Variants in CPSF6 observed in about 807,000 individuals in gnomAD.
CPSF6 encodes cleavage and polyadenylation specific factor 6, also known as cleavage and polyadenylation specificity factor subunit 6.
Under a neutral mutation model 56.7 loss-of-function variants are expected in CPSF6, and 10 were observed. The observed-to-expected ratio is 0.18, with a 90% confidence interval of 0.11 to 0.30. The LOEUF (loss-of-function observed/expected upper bound fraction) is 0.30. Ranked by LOEUF, CPSF6 falls within the 10% of genes least tolerant of loss-of-function variation. CPSF6 has a pLI of 1.00. For missense variants in CPSF6, 419 were observed against 722.9 expected (o/e 0.58, Z 4.82); for synonymous variants, 248 against 244.8 (o/e 1.01, Z -0.12).
At chr12:69,243,527 G>A (rs1045565901) in intron 1 of CPSF6, among the ~76,000 whole-genome samples, 1 of 152,140 alleles carries the variant, frequency 6.6e-6, no homozygotes, top group African/African-American at 2.4e-5. Flanking sequence ...CTACAAACTT[G>A]TACAACATAT....
At chr12:69,250,605 A>G (rs1446362992) in intron 1 of CPSF6, among the ~76,000 whole-genome samples, 5 of 108,564 alleles carry the variant, frequency 4.6e-5, no homozygotes, top group African/African-American at 1.5e-4. Context: ...AAAAAAAAAA[A>G]AAGAAAAAAA....
intron 1 of CPSF6, among the ~76,000 whole-genome samples, chr12:69,243,869 T>G (rs1345668518): frequency 6.6e-6 from 1 of 152,236 alleles, no homozygotes; most frequent in Non-Finnish European, 1.5e-5. Context: ...ATTTTCTCAC[T>G]GTCATCCAGT....
chr12:69,253,678 A>T (rs1220336998), intron 3 of CPSF6, among the ~76,000 whole-genome samples: 1 of 152,094 alleles, frequency 6.6e-6, no homozygotes, highest in Non-Finnish European at 1.5e-5. Context: ...CTTTTTCCTA[A>T]AAATAAATAA....
chr12:69,247,707 A>G (rs1871987839), intron 1 of CPSF6, among the ~76,000 whole-genome samples: 2 of 152,124 alleles, frequency 1.3e-5, no homozygotes, highest in African/African-American at 4.8e-5. Flanking sequence ...AACATCATGC[A>G]TATTTTCTCA....
At position 69,269,610 on chromosome 12, in the gene CPSF6, A is replaced by G. The variant is rs1373349608; in HGVS notation, c.*102A>G. 1 of 414,568 alleles carries G rather than the reference A, an allele frequency of 2.4e-6. No individual in the cohort carries two copies. Among genetic ancestry groups the G allele is most frequent in the Non-Finnish European group, 4.8e-6 (1 of 207,720 alleles). The allele number at this position is 414,568 out of a possible 1,614,324, so 25.7% of individuals were successfully genotyped here. ...CTTCTTGTGATTGAACTGAACCTGTAAGGATTCATGGATAAAATGAACAGG... is the reference window on the plus strand; with the variant it reads ...CTTCTTGTGATTGAACTGAACCTGTGAGGATTCATGGATAAAATGAACAGG... On this transcript the variant is annotated 3_prime_UTR_variant, in exon 10 of 10. Coordinates refer to ENST00000435070, the MANE Select transcript of CPSF6 (RefSeq NM_007007.3).
Position 69,258,751 on chromosome 12 carries a change from C to A in CPSF6, c.856C>A (p.Gln286Lys). ...TCTTTTTCCTGGACAACCTTTTGGG[C>A]AGCCTCCATTGGGTCCACTTCCTCC... ...PVLFPGQPFGQPPLGPLPPGP... is the reference protein window; with the variant it reads ...PVLFPGQPFGKPPLGPLPPGP... The change falls in exon 6 of 10, where the codon CAG becomes AAG. Residue 286 changes from glutamine to lysine, a missense_variant. By Grantham distance (53) the Gln-to-Lys change is moderately conservative. Coordinates refer to ENST00000435070, the MANE Select transcript of CPSF6 (RefSeq NM_007007.3). This position sits in a 1 kb window ranked among gnomAD's most constrained non-coding sequence, Gnocchi z 4.2. 6.2e-7 allele frequency: 1 copy of A among 1,614,054 alleles called. No homozygotes were observed. The highest frequency in any genetic ancestry group is 8.5e-7 in the Non-Finnish European group (1 of 1,179,998).
chr12:69,243,104 A>G (rs1445543336), intron 1 of CPSF6, among the ~76,000 whole-genome samples: 1 of 151,950 alleles, frequency 6.6e-6, no homozygotes, highest in African/African-American at 2.4e-5. Flanking sequence ...AAAAAAAAAG[A>G]TTGAATTGTT....
chr12:69,259,780 G>A (rs1872666488), intron 7 of CPSF6, among the ~76,000 whole-genome samples: 1 of 152,138 alleles, frequency 6.6e-6, no homozygotes, highest in Non-Finnish European at 1.5e-5. Flanking sequence ...GACATTTAAT[G>A]GTTCAGGGGC....
intron 1 of CPSF6, among the ~76,000 whole-genome samples, chr12:69,247,209 T>C (rs1452064049): frequency 6.6e-6 from 1 of 152,196 alleles, no homozygotes; most frequent in African/African-American, 2.4e-5. Flanking sequence ...AGGGAACTAA[T>C]AGGATTTTGG....
At chr12:69,256,910 A>T (rs184393415) in intron 4 of CPSF6, 68 bp downstream of exon 4, 27 of 1,347,368 alleles carry the variant, frequency 2.0e-5, no homozygotes, top group Non-Finnish European at 2.7e-5. Context: ...TAGGTGTTAT[A>T]CTAGAGAAGT....
intron 9 of CPSF6, among the ~76,000 whole-genome samples, chr12:69,266,918 ACTT>A (rs1170304506): frequency 1.3e-5 from 2 of 152,132 alleles, no homozygotes; most frequent in Non-Finnish European, 2.9e-5. Context: ...GGTAGCAAGA[ACTT>A]CTTGTAAATA....
At chr12:69,241,227 T>C (rs1424957298) in intron 1 of CPSF6, among the ~76,000 whole-genome samples, 2 of 152,270 alleles carry the variant, frequency 1.3e-5, no homozygotes, top group Non-Finnish European at 2.9e-5. Context: ...GTTAAGTTTT[T>C]AAATCTTTGT....
intron 1 of CPSF6, among the ~76,000 whole-genome samples, chr12:69,241,184 G>A (rs923214551): frequency 6.6e-6 from 1 of 152,156 alleles, no homozygotes; most frequent in African/African-American, 2.4e-5. Context: ...TTAAAGACTG[G>A]ATTTGTTTAA....
intron 9 of CPSF6, among the ~76,000 whole-genome samples, chr12:69,264,462 C>T (rs1222003242): frequency 6.6e-6 from 1 of 152,070 alleles, no homozygotes; most frequent in Non-Finnish European, 1.5e-5. Context: ...GCTAACATTA[C>T]ATTCTAGTAA....
intron 3 of CPSF6, 124 bp from the exon 4 acceptor site, chr12:69,256,573 C>A: frequency 1.1e-6 from 1 of 925,814 alleles, no homozygotes; most frequent in Non-Finnish European, 1.6e-6. Flanking sequence ...GGATTACAGG[C>A]ATGAGCCACT....
At chr12:69,268,649 A>G (rs1188861821) in intron 9 of CPSF6, among the ~76,000 whole-genome samples, 2 of 151,772 alleles carry the variant, frequency 1.3e-5, no homozygotes, top group African/African-American at 4.8e-5. Context: ...TACTTTCATT[A>G]CCGACTGTTT....
intron 1 of CPSF6, among the ~76,000 whole-genome samples, chr12:69,240,404 A>G (rs530251083): frequency 1.3e-5 from 2 of 152,262 alleles, no homozygotes; most frequent in African/African-American, 4.8e-5. Flanking sequence ...CACAGATAAA[A>G]GTCGGTGCGC....
chr12:69,263,771 T>C (rs953093100), intron 9 of CPSF6, among the ~76,000 whole-genome samples: 3 of 152,010 alleles, frequency 2.0e-5, no homozygotes, highest in Non-Finnish European at 4.4e-5. Context: ...GCCTAGAAAA[T>C]AAGCATGCTA....
chr12:69,249,164 G>A (rs1281974415), intron 1 of CPSF6, among the ~76,000 whole-genome samples: 3 of 87,712 alleles, frequency 3.4e-5, no homozygotes, highest in Non-Finnish European at 5.0e-5. Context: ...GGGGGGGGGG[G>A]GGGGGCTGAG....
Sources: gnomAD v4.1 joint callset for allele counts (sites outside exome capture counted in the v4.1 genomes callset) on GRCh38, gnomAD v4.1.1 for gene constraint, Gnocchi (gnomAD v3.1) non-coding constraint, MANE v1.5 for transcripts, NCBI Gene and HGNC (gene_info 2026-07-23, HGNC 2026-07-21) for gene names.